PRKCB: variants seen among roughly 807,000 people sequenced by gnomAD.
PRKCB encodes the protein protein kinase C beta type.
PRKCB carries 13 observed loss-of-function variants against 81.5 expected under a neutral mutation model. The ratio of observed to expected loss-of-function variants is 0.16; its 90% confidence interval spans 0.10 to 0.25. The LOEUF is 0.25. PRKCB is among the 10% of genes least tolerant of loss of function. The pLI, the probability that PRKCB is intolerant of heterozygous loss-of-function variation, is 1.00. For synonymous variants in PRKCB, 335 were observed against 321.4 expected, an observed-to-expected ratio of 1.04 and a Z score of -0.45; for missense variants, 509 against 875.7, an observed-to-expected ratio of 0.58 and a Z score of 5.29.
intron 2 of PRKCB, among the ~76,000 whole-genome samples, chr16:23,874,562 T>TTC (rs201132389): frequency 1.4e-5 from 1 of 73,578 alleles, no homozygotes; most frequent in East Asian, 3.4e-4. Context: ...CACCAGATTC[T>TTC]TCTCTCTTTT....
intron 2 of PRKCB, among the ~76,000 whole-genome samples, chr16:23,864,209 C>T (rs1962733281): frequency 6.6e-6 from 1 of 152,194 alleles, no homozygotes; most frequent in African/African-American, 2.4e-5. Flanking sequence ...TAAACACCAT[C>T]TCTGCTCAGT....
chr16:24,112,454 C>T (rs1391115513), intron 7 of PRKCB, among the ~76,000 whole-genome samples: 2 of 152,144 alleles, frequency 1.3e-5, no homozygotes, highest in South Asian at 2.1e-4. Flanking sequence ...AGGAGGATCG[C>T]TTGAACCCAG....
intron 2 of PRKCB, among the ~76,000 whole-genome samples, chr16:23,980,798 A>AATAT (rs143162594): frequency 4.0e-5 from 6 of 148,700 alleles, no homozygotes; most frequent in African/African-American, 1.5e-4. Flanking sequence ...CTCCAAACAG[A>AATAT]ATATATATAT....
intron 2 of PRKCB, among the ~76,000 whole-genome samples, chr16:23,985,069 G>T (rs1249390725): frequency 6.6e-6 from 1 of 152,030 alleles, no homozygotes; most frequent in African/African-American, 2.4e-5. Flanking sequence ...ACAATCTATT[G>T]CTTTCCTATT....
chr16:24,162,395 T>C (rs1967270992), intron 10 of PRKCB, among the ~76,000 whole-genome samples: 1 of 149,566 alleles, frequency 6.7e-6, no homozygotes, highest in African/African-American at 2.5e-5. Context: ...CCCCTTCCCC[T>C]GCCCCCCACC....
At chr16:24,211,443 T>C (rs1234050264) in intron 16 of PRKCB, among the ~76,000 whole-genome samples, 1 of 152,158 alleles carries the variant, frequency 6.6e-6, no homozygotes, top group Admixed American at 6.5e-5. Context: ...GTGATAGGAA[T>C]TAAAATTGCT....
rs187550995 is a variant in PRKCB, at chr16:23,871,770, G to T, written c.205+34364G>T. Among the ~76,000 whole-genome samples the T allele has an allele frequency of 2.6e-3, 387 of 151,470 alleles. 6 individuals carry two copies. The highest frequency in any genetic ancestry group is 7.9e-3 in the African/African-American group (326 of 41,292). On this transcript the variant is annotated intron_variant, in intron 2 of 16. Coordinates refer to ENST00000643927, the MANE Select transcript of PRKCB (RefSeq NM_002738.7). ...TTTTTGTATTTTTAGTAGAGACAGG[G>T]TTTCATCATGTTGGTCTGGCTGGTT...
At chr16:24,036,614 A>G (rs1445489097) in intron 5 of PRKCB, among the ~76,000 whole-genome samples, 1 of 152,186 alleles carries the variant, frequency 6.6e-6, no homozygotes, top group Admixed American at 6.5e-5. Context: ...GTAAAAGCTG[A>G]AAAATACTTA....
intron 2 of PRKCB, among the ~76,000 whole-genome samples, chr16:23,876,509 G>T (rs1963015696): frequency 6.6e-6 from 1 of 152,022 alleles, no homozygotes; most frequent in Non-Finnish European, 1.5e-5. Context: ...AGGAAATGGG[G>T]TTAGTCCGAT....
At chr16:24,086,486 C>A (rs902086751) in intron 5 of PRKCB, among the ~76,000 whole-genome samples, 1 of 152,134 alleles carries the variant, frequency 6.6e-6, no homozygotes, top group South Asian at 2.1e-4. Context: ...TTATTCACCA[C>A]GGAGCTCATT....
At chr16:24,040,374 C>G (rs1026050676) in intron 5 of PRKCB, among the ~76,000 whole-genome samples, 1 of 152,164 alleles carries the variant, frequency 6.6e-6, no homozygotes, top group Non-Finnish European at 1.5e-5. Flanking sequence ...TTGCCATTGC[C>G]ATCTTCTCTT....
intron 5 of PRKCB, among the ~76,000 whole-genome samples, chr16:24,073,856 G>A (rs1220640486): frequency 2.0e-5 from 3 of 152,222 alleles, no homozygotes; most frequent in African/African-American, 7.2e-5. Flanking sequence ...AGAAGAGCAA[G>A]TGATGGCCGG....
intron 2 of PRKCB, among the ~76,000 whole-genome samples, chr16:23,971,278 C>T (rs894176902): frequency 6.6e-6 from 1 of 152,116 alleles, no homozygotes; most frequent in East Asian, 1.9e-4. Context: ...GTAGGTGTAG[C>T]GGGCAATCGT....
At chr16:23,863,197 TATATATGTGTATATATACATAC>T (rs1336445935) in intron 2 of PRKCB, among the ~76,000 whole-genome samples, 12 of 118,796 alleles carry the variant, frequency 1.0e-4, no homozygotes, top group Admixed American at 3.0e-4. Context: ...CATACATACG[TATATATGTGTATATATACATAC>T]ATATATATGT....
chr16:23,893,991 T>C (rs1963333593), intron 2 of PRKCB: 1 of 152,260 alleles, frequency 6.6e-6, no homozygotes, highest in Admixed American at 6.5e-5. Context: ...TACTTACCTC[T>C]GCAGGTCTGC....
chr16:23,875,638 C>CATATATATGTATGTATATCACACAT (rs1418713322), intron 2 of PRKCB, among the ~76,000 whole-genome samples: 2 of 90,510 alleles, frequency 2.2e-5, no homozygotes, highest in Non-Finnish European at 5.0e-5. Context: ...GTATATCACA[C>CATATATATGTATGTATATCACACAT]ATATATGTAT....
At chr16:24,149,766 G>A (rs1047144601) in intron 9 of PRKCB, among the ~76,000 whole-genome samples, 2 of 152,094 alleles carry the variant, frequency 1.3e-5, no homozygotes, top group African/African-American at 4.8e-5. Flanking sequence ...ATGCTACTTG[G>A]CTTCATGTAT....
At chr16:23,937,018 C>T (rs571266798) in intron 2 of PRKCB, among the ~76,000 whole-genome samples, 1 of 152,154 alleles carries the variant, frequency 6.6e-6, no homozygotes, top group South Asian at 2.1e-4. Flanking sequence ...GTAGTAGGTA[C>T]AGGGTTTTCT....
intron 1 of PRKCB, 101 bp from the exon 2 acceptor site, chr16:23,837,274 G>A: frequency 6.9e-7 from 1 of 1,456,352 alleles, no homozygotes; most frequent in Non-Finnish European, 9.6e-7. Flanking sequence ...GTTTGCACCT[G>A]GGGTACAGAG....
Sources: gnomAD v4.1 joint callset for allele counts (sites outside exome capture counted in the v4.1 genomes callset) on GRCh38, gnomAD v4.1.1 for gene constraint, MANE v1.5 for transcripts, NCBI Gene and HGNC (gene_info 2026-07-23, HGNC 2026-07-21) for gene names.